Variants in MALRD1 observed in about 807,000 individuals in gnomAD.
MALRD1 encodes the protein MAM and LDL receptor class A domain containing 1.
MALRD1 carries 247 observed loss-of-function variants against 242.1 expected under a neutral mutation model. The ratio of observed to expected loss-of-function variants is 1.02; its 90% confidence interval spans 0.92 to 1.13. The LOEUF (loss-of-function observed/expected upper bound fraction) is 1.13, where lower values mean the gene tolerates loss of function less well. MALRD1 is among the 50% of genes most tolerant of loss of function. The pLI is 0.00. For missense variants in MALRD1, 2,989 were observed against 2,533.1 expected (o/e 1.18, Z -3.86); for synonymous variants, 995 against 866.6 (o/e 1.15, Z -2.60).
intron 31 of MALRD1, among the ~76,000 whole-genome samples, chr10:19,504,757 A>G (rs1256300694): frequency 7.5e-6 from 1 of 133,632 alleles, no homozygotes; most frequent in Non-Finnish European, 1.5e-5. Context: ...ATCTCGGCTC[A>G]CTGCAAGCTC....
intron 21 of MALRD1, among the ~76,000 whole-genome samples, chr10:19,321,827 G>A (rs1427403421): frequency 6.6e-6 from 1 of 152,072 alleles, no homozygotes; most frequent in Non-Finnish European, 1.5e-5. Context: ...ACTTTAGCAG[G>A]TTTTAAGAAG....
intron 38 of MALRD1, among the ~76,000 whole-genome samples, chr10:19,704,550 G>GA (rs1333943080): frequency 2.6e-5 from 4 of 152,246 alleles, no homozygotes; most frequent in Admixed American, 1.3e-4. Flanking sequence ...TACATTTGGG[G>GA]GGACACAAAT....
intron 24 of MALRD1, among the ~76,000 whole-genome samples, chr10:19,345,090 C>T (rs1468735991): frequency 6.6e-6 from 1 of 152,090 alleles, no homozygotes; most frequent in African/African-American, 2.4e-5. Context: ...GTTGTTCCCC[C>T]TCATCACAGT....
chr10:19,614,090 TA>T (rs1167845337), intron 35 of MALRD1, among the ~76,000 whole-genome samples: 1 of 152,068 alleles, frequency 6.6e-6, no homozygotes, highest in Non-Finnish European at 1.5e-5. Context: ...GTATATCTTT[TA>T]AAGTCAACAT....
intron 14 of MALRD1, among the ~76,000 whole-genome samples, chr10:19,202,753 T>A (rs1354352669): frequency 6.6e-6 from 1 of 152,202 alleles, no homozygotes; most frequent in East Asian, 1.9e-4. Flanking sequence ...CAGCTGAATG[T>A]TCACACCAAG....
chr10:19,393,375 C>G (rs1846417301), intron 28 of MALRD1, among the ~76,000 whole-genome samples: 1 of 150,526 alleles, frequency 6.6e-6, no homozygotes, highest in African/African-American at 2.4e-5. Flanking sequence ...ATGAAATTAA[C>G]TTTTTTCACA....
intron 32 of MALRD1, among the ~76,000 whole-genome samples, chr10:19,532,476 A>G (rs1834463173): frequency 6.6e-6 from 1 of 152,066 alleles, no homozygotes; most frequent in African/African-American, 2.4e-5. Flanking sequence ...GGCTGGTCTC[A>G]AATTCCTGAC....
intron 11 of MALRD1, among the ~76,000 whole-genome samples, chr10:19,154,355 A>G (rs1366326587): frequency 2.6e-5 from 4 of 152,156 alleles, no homozygotes; most frequent in African/African-American, 9.7e-5. Flanking sequence ...GTATTTTCCA[A>G]TGAAAATAGT....
At chr10:19,288,517 T>G (rs184224981) in intron 21 of MALRD1, among the ~76,000 whole-genome samples, 15 of 152,242 alleles carry the variant, frequency 9.9e-5, no homozygotes, top group African/African-American at 3.4e-4. Flanking sequence ...CATTTTTCCT[T>G]GTTCATTTGC....
intron 18 of MALRD1, among the ~76,000 whole-genome samples, chr10:19,253,506 G>A (rs1202778282): frequency 6.6e-6 from 1 of 151,928 alleles, no homozygotes; most frequent in African/African-American, 2.4e-5. Flanking sequence ...TCAGCTCCAG[G>A]ACTGCCCCCA....
At chr10:19,296,036 G>A (rs1470842787) in intron 21 of MALRD1, among the ~76,000 whole-genome samples, 1 of 151,930 alleles carries the variant, frequency 6.6e-6, no homozygotes, top group Non-Finnish European at 1.5e-5. Context: ...TGATACCCAG[G>A]CCCTGTTTCA....
intron 29 of MALRD1, among the ~76,000 whole-genome samples, chr10:19,455,622 T>C (rs895817199): frequency 6.6e-6 from 1 of 152,222 alleles, no homozygotes; most frequent in Non-Finnish European, 1.5e-5. Context: ...ACATGAGATA[T>C]AGCAAGCATC....
rs572045220 is a variant in MALRD1, at chr10:19,528,853, C to G, written c.5321-2341C>G. On this transcript the variant is annotated intron_variant, in intron 31 of 39. Transcript: ENST00000454679. ...GAGAACTGAAGTCACAGTCAAACCA[C>G]TACCCCCAACATTGGACAGCCAGCC... is the stretch of plus-strand genomic sequence containing the variant. Among the ~76,000 whole-genome samples, 8 of 152,302 alleles carry G rather than the reference C, an allele frequency of 5.3e-5. 1 individual carries two copies. The South Asian group carries it at 1.2e-3, about 24-fold the overall frequency.
chr10:19,630,540 G>C (rs1378287744), intron 36 of MALRD1, among the ~76,000 whole-genome samples: 3 of 152,128 alleles, frequency 2.0e-5, no homozygotes, highest in African/African-American at 7.2e-5. Context: ...GTTAGAATGA[G>C]AGTGTGTTTA....
intron 18 of MALRD1, among the ~76,000 whole-genome samples, chr10:19,242,023 T>C (rs1049174869): frequency 1.3e-5 from 2 of 152,164 alleles, no homozygotes; most frequent in Admixed American, 1.3e-4. Context: ...GAATAATTTG[T>C]ATTCTGCAGC....
chr10:19,187,992 A>G (rs1465676744), intron 14 of MALRD1, among the ~76,000 whole-genome samples: 1 of 152,202 alleles, frequency 6.6e-6, no homozygotes, highest in African/African-American at 2.4e-5. Context: ...GGCTAATTAA[A>G]TCACAATCTC....
chr10:19,375,188 A>C (rs944325441), intron 26 of MALRD1, among the ~76,000 whole-genome samples: 1 of 152,210 alleles, frequency 6.6e-6, no homozygotes, highest in Admixed American at 6.5e-5. Flanking sequence ...GAATCTGATA[A>C]AATTTTCTTT....
intron 38 of MALRD1, among the ~76,000 whole-genome samples, chr10:19,695,931 A>T (rs1189880447): frequency 6.6e-6 from 1 of 152,108 alleles, no homozygotes; most frequent in Non-Finnish European, 1.5e-5. Context: ...TAAGAACAGC[A>T]TGGGAAAAAC....
At chr10:19,446,773 T>G (rs1219052576) in intron 28 of MALRD1, among the ~76,000 whole-genome samples, 1 of 152,160 alleles carries the variant, frequency 6.6e-6, no homozygotes, top group Non-Finnish European at 1.5e-5. Flanking sequence ...TTTGTATTAG[T>G]GTCTATTTTT....
Sources: allele counts gnomAD v4.1 joint callset (sites outside exome capture counted in the v4.1 genomes callset), GRCh38; gene constraint gnomAD v4.1.1; transcripts MANE v1.5; gene names NCBI Gene and HGNC (gene_info 2026-07-23, HGNC 2026-07-21).